Variants in EXOC4 observed in about 807,000 individuals in gnomAD.
The protein encoded by EXOC4 is SEC8-like 1.
In EXOC4, 71 loss-of-function variants were observed where a neutral mutation model predicts 107.2. The observed-to-expected ratio is 0.66, with a 90% confidence interval of 0.55 to 0.81. The LOEUF (loss-of-function observed/expected upper bound fraction) is 0.81. Among genes scored for constraint, EXOC4 ranks in the 30% least tolerant of loss-of-function variants. The pLI, the probability that EXOC4 is intolerant of heterozygous loss-of-function variation, is 0.00. For synonymous variants in EXOC4, 456 were observed against 441.2 expected, an observed-to-expected ratio of 1.03 and a Z score of -0.42; for missense variants, 1,108 against 1,189.6, an observed-to-expected ratio of 0.93 and a Z score of 1.01.
intron 9 of EXOC4, among the ~76,000 whole-genome samples, chr7:133,526,798 C>T (rs1440833797): frequency 6.6e-6 from 1 of 151,568 alleles, no homozygotes; most frequent in Non-Finnish European, 1.5e-5. Context: ...GGTGAAACCT[C>T]GCCTCCACTA....
chr7:134,006,352 G>T (rs949224142), intron 16 of EXOC4, among the ~76,000 whole-genome samples: 24 of 141,490 alleles, frequency 1.7e-4, no homozygotes, highest in African/African-American at 5.2e-4. Flanking sequence ...TTGAGAGAAT[G>T]ACACCAAAAC....
At chr7:133,507,802 C>G (rs189853678) in intron 9 of EXOC4, among the ~76,000 whole-genome samples, 2 of 152,258 alleles carry the variant, frequency 1.3e-5, no homozygotes, top group Non-Finnish European at 2.9e-5. Flanking sequence ...AAAATCAGTA[C>G]TGTAATCCCA....
intron 10 of EXOC4, among the ~76,000 whole-genome samples, chr7:133,714,249 C>T (rs1794954499): frequency 1.3e-5 from 2 of 152,220 alleles, no homozygotes; most frequent in African/African-American, 4.8e-5. Context: ...GTTCACCGTC[C>T]TGGAACCCTC....
intron 2 of EXOC4, 151 bp downstream of exon 2, chr7:133,275,322 G>T: frequency 1.7e-6 from 1 of 586,872 alleles, no homozygotes; most frequent in South Asian, 5.4e-5. Flanking sequence ...TGGAAAGGCT[G>T]GTTGGGAAAG....
chr7:134,021,364 G>A (rs1264717331), intron 17 of EXOC4, among the ~76,000 whole-genome samples: 2 of 152,184 alleles, frequency 1.3e-5, no homozygotes, highest in African/African-American at 2.4e-5. Context: ...ACGTACAGGA[G>A]AGTAAAACAG....
chr7:133,426,747 C>A (rs947894466), intron 7 of EXOC4, among the ~76,000 whole-genome samples: 1 of 152,314 alleles, frequency 6.6e-6, no homozygotes, highest in East Asian at 1.9e-4. Flanking sequence ...GTTGTCATCA[C>A]CAACATCATT....
At chr7:133,853,962 G>T (rs1236455446) in intron 11 of EXOC4, among the ~76,000 whole-genome samples, 1 of 152,116 alleles carries the variant, frequency 6.6e-6, no homozygotes, top group Non-Finnish European at 1.5e-5. Flanking sequence ...TAGTCCCTAG[G>T]GGGCGGGGTG....
intron 10 of EXOC4, among the ~76,000 whole-genome samples, chr7:133,669,900 C>G (rs1411847427): frequency 6.6e-6 from 1 of 152,168 alleles, no homozygotes; most frequent in Non-Finnish European, 1.5e-5. Flanking sequence ...TTTATTTCCA[C>G]AGTTATTTTC....
At chr7:133,701,323 A>G (rs1794651152) in intron 10 of EXOC4, among the ~76,000 whole-genome samples, 1 of 152,200 alleles carries the variant, frequency 6.6e-6, no homozygotes, top group Non-Finnish European at 1.5e-5. Flanking sequence ...TGCCTTAAAT[A>G]TTTTAATGAA....
chr7:133,756,646 A>G (rs936411881), intron 10 of EXOC4, among the ~76,000 whole-genome samples: 1 of 152,224 alleles, frequency 6.6e-6, no homozygotes, highest in Non-Finnish European at 1.5e-5. Flanking sequence ...TCTGGGGATC[A>G]AGAATCTTTT....
intron 10 of EXOC4, among the ~76,000 whole-genome samples, chr7:133,634,415 T>C (rs1802658809): frequency 6.6e-6 from 1 of 152,226 alleles, no homozygotes; most frequent in South Asian, 2.1e-4. Flanking sequence ...GCTTTACTCT[T>C]AGCCTACCAA....
chr7:133,433,874 G>C (rs2150779572), intron 7 of EXOC4, among the ~76,000 whole-genome samples: 2 of 152,278 alleles, frequency 1.3e-5, no homozygotes, highest in Middle Eastern at 6.8e-3. Context: ...AAACCTGTCT[G>C]TACTTGGAAG....
chr7:133,608,422 T>TA (rs375355059), intron 9 of EXOC4, among the ~76,000 whole-genome samples: 1 of 151,910 alleles, frequency 6.6e-6, no homozygotes, highest in Non-Finnish European at 1.5e-5. Context: ...GAAATAGGAT[T>TA]AAAAAAAGAA....
intron 17 of EXOC4, among the ~76,000 whole-genome samples, chr7:134,062,020 G>A (rs543499882): frequency 6.6e-5 from 10 of 152,292 alleles, no homozygotes; most frequent in Non-Finnish European, 1.0e-4. Flanking sequence ...CTTCTACCAA[G>A]TATTTCTGTC....
chr7:133,837,173 T>G lies in EXOC4; in HGVS notation c.1734+19629T>G, dbSNP rs150449294. ...GAACTAACAATTTTTGAATGCCTAC[T>G]ATGTGCCAGGGACAGTACTAAAAAT... On this transcript the variant is annotated intron_variant, in intron 11 of 17. Transcript: ENST00000253861. 2.1e-4 allele frequency among the ~76,000 whole-genome samples: 32 copies of G among 152,366 alleles called. No homozygotes were observed. In the East Asian group the frequency reaches 5.4e-3, roughly 26 times the overall value.
At chr7:133,641,461 T>TA (rs1310272009) in intron 10 of EXOC4, among the ~76,000 whole-genome samples, 1 of 152,180 alleles carries the variant, frequency 6.6e-6, no homozygotes, top group Non-Finnish European at 1.5e-5. Flanking sequence ...CACATACATA[T>TA]ACGTACATAC....
At chr7:133,347,379 G>C (rs1036287504) in intron 5 of EXOC4, among the ~76,000 whole-genome samples, 1 of 151,996 alleles carries the variant, frequency 6.6e-6, no homozygotes, top group Non-Finnish European at 1.5e-5. Flanking sequence ...GAGTAGCTGG[G>C]ACTACAGGCG....
intron 11 of EXOC4, among the ~76,000 whole-genome samples, chr7:133,860,548 C>G (rs1373040334): frequency 1.3e-5 from 2 of 152,150 alleles, no homozygotes; most frequent in Non-Finnish European, 2.9e-5. Flanking sequence ...CTTACAGCTG[C>G]TTTGTGACTT....
chr7:133,944,822 T>C (rs1220105045), intron 14 of EXOC4, among the ~76,000 whole-genome samples: 1 of 152,202 alleles, frequency 6.6e-6, no homozygotes, highest in Non-Finnish European at 1.5e-5. Flanking sequence ...GACTAAGGCC[T>C]GTAGCTACTT....
Sources: gnomAD v4.1 joint callset for allele counts (sites outside exome capture counted in the v4.1 genomes callset) on GRCh38, gnomAD v4.1.1 for gene constraint, MANE v1.5 for transcripts, NCBI Gene and HGNC (gene_info 2026-07-23, HGNC 2026-07-21) for gene names.